ARPC5: variants seen among roughly 807,000 people sequenced by gnomAD.
ARPC5 encodes the protein actin related protein 2/3 complex subunit 5.
ARPC5 carries 5 observed loss-of-function variants against 15.4 expected under a neutral mutation model. The observed-to-expected ratio is 0.32, with a 90% CI of 0.17 to 0.68. The LOEUF (loss-of-function observed/expected upper bound fraction) is 0.68. Ranked by LOEUF, ARPC5 falls within the 30% of genes least tolerant of loss-of-function variation. The pLI is 0.71. For synonymous variants in ARPC5, 85 were observed against 72.2 expected, an observed-to-expected ratio of 1.18 and a Z score of -0.90; for missense variants, 138 against 192.8, an observed-to-expected ratio of 0.72 and a Z score of 1.68.
Position 183,630,645 on chromosome 1 carries a change from G to T in ARPC5, c.217-8C>A. On this transcript the variant is annotated splice_polypyrimidine_tract_variant and splice_region_variant and intron_variant, in intron 2 of 3. Transcript: ENST00000359856. Reference sequence around the variant, plus strand: ...AATGCTGCCTGCCCGGTCCTGGTGGGTCAATAAATAACAGAACATTTAGAC... The same window carrying T: ...AATGCTGCCTGCCCGGTCCTGGTGGTTCAATAAATAACAGAACATTTAGAC... The T allele has an allele frequency of 6.2e-7, 1 of 1,608,514 alleles. No individual in the cohort carries two copies. The highest frequency in any genetic ancestry group is 8.5e-7 in the Non-Finnish European group (1 of 1,177,724).
Position 183,623,480 on chromosome 1 carries a change from A to C in ARPC5, c.*4052T>G, listed in dbSNP as rs933647958. 1 of 1,550,294 alleles carries C rather than the reference A, an allele frequency of 6.5e-7. No individual in the cohort carries two copies. Among genetic ancestry groups the C allele is most frequent in the Non-Finnish European group, 8.7e-7 (1 of 1,146,836 alleles). Reference sequence around the variant, plus strand: ...AATCATACAAGAGGCACCTGCACAGAACGTTTTCACATTGGGGTTTTCACA... The same window carrying C: ...AATCATACAAGAGGCACCTGCACAGCACGTTTTCACATTGGGGTTTTCACA... On this transcript the variant is annotated 3_prime_UTR_variant, in exon 4 of 4. Transcript: ENST00000359856.
chr1:183,631,244 AAAC>A (rs1403850878), intron 2 of ARPC5: 1 of 151,968 alleles, frequency 6.6e-6, no homozygotes, highest in Non-Finnish European at 1.5e-5. Flanking sequence ...CAATTTATTA[AAAC>A]AACATTTAAA....
At chr1:183,635,441 C>G in intron 1 of ARPC5, 76 bp downstream of exon 1, 2 of 1,478,162 alleles carry the variant, frequency 1.4e-6, no homozygotes, top group Non-Finnish European at 1.8e-6. Context: ...CCCGCGGATC[C>G]TGCAGGCTCC....
chr1:183,633,014 C>G, intron 2 of ARPC5, 68 bp downstream of exon 2: 1 of 1,169,622 alleles, frequency 8.5e-7, no homozygotes, highest in Non-Finnish European at 1.2e-6. Context: ...TTTTTTTTTG[C>G]AACTGCAGAG....
intron 3 of ARPC5, 116 bp from the exon 4 acceptor site, chr1:183,627,710 A>ATTT: frequency 1.2e-6 from 1 of 800,984 alleles, no homozygotes; most frequent in Non-Finnish European, 2.2e-6. Flanking sequence ...TGAATTTATT[A>ATTT]GTTAACAAAT....
rs370518526 is a variant in ARPC5 at position 183,627,526 on chromosome 1, G to A, written c.*6C>T. ...TCCCGAGGCAGATAATCCACTTCCT[G>A]CCAGACTACACAGTTTTTCTTGCAG... On this transcript the variant is annotated 3_prime_UTR_variant, in exon 4 of 4. Transcript: ENST00000359856. The A allele has an allele frequency of 3.7e-6, 6 of 1,613,334 alleles. No individual in the cohort carries two copies. In the Admixed American group the frequency reaches 8.3e-5, roughly 22 times the overall value.
At chr1:183,630,088 T>G (rs1043438093) in intron 3 of ARPC5, among the ~76,000 whole-genome samples, 19 of 152,230 alleles carry the variant, frequency 1.2e-4, no homozygotes, top group Non-Finnish European at 2.2e-4. Context: ...TTGAATCATA[T>G]TCCATTGTAT....
intron 1 of ARPC5, 84 bp from the exon 2 acceptor site, chr1:183,633,238 A>C (rs1649319193): frequency 1.5e-5 from 14 of 925,086 alleles, no homozygotes; most frequent in Non-Finnish European, 2.3e-5. Flanking sequence ...TGATTTACAT[A>C]TAAAAAGAAA....
rs1649111679 is a variant in ARPC5 at position 183,626,794 on chromosome 1, T to C, written c.*738A>G. 1 of 152,360 alleles carries C rather than the reference T, an allele frequency of 6.6e-6. No homozygotes were observed. The highest frequency in any genetic ancestry group is 2.4e-5 in the African/African-American group (1 of 41,452). 9.4% of individuals were successfully genotyped at this position (152,360 alleles called of 1,614,324 possible). Reference sequence around the variant, plus strand: ...TTGCAGTTTTTTCCAAACAGAGCCATATTAGTGGAACAAAAGTTTGATGTT... The same window carrying C: ...TTGCAGTTTTTTCCAAACAGAGCCACATTAGTGGAACAAAAGTTTGATGTT... On this transcript the variant is annotated 3_prime_UTR_variant, in exon 4 of 4. Transcript: ENST00000359856.
In ARPC5 at chr1:183,630,647, C is replaced by G; in HGVS notation, c.217-10G>C. The G allele has an allele frequency of 6.2e-7, 1 of 1,606,282 alleles. No individual in the cohort carries two copies. The highest frequency in any genetic ancestry group is 1.3e-5 in the African/African-American group (1 of 74,572). ...TGCTGCCTGCCCGGTCCTGGTGGGTCAATAAATAACAGAACATTTAGACAT... is the reference window on the plus strand; with the variant it reads ...TGCTGCCTGCCCGGTCCTGGTGGGTGAATAAATAACAGAACATTTAGACAT... On this transcript the variant is annotated splice_polypyrimidine_tract_variant and intron_variant, in intron 2 of 3. Transcript: ENST00000359856.
rs1373466712 is a variant in ARPC5 at position 183,623,261 on chromosome 1, A to C, written c.*4271T>G. 5 of 684,170 alleles carry C rather than the reference A, an allele frequency of 7.3e-6. No individual in the cohort carries two copies. The East Asian group carries it at 1.4e-4, about 19-fold the overall frequency. 42.4% of individuals were successfully genotyped at this position (684,170 alleles called of 1,614,324 possible). Reference sequence around the variant, plus strand: ...TGTTTCAGAGAGAAATAAGAGATGTAAACATAGATTATTTATGTTGATTAC... The same window carrying C: ...TGTTTCAGAGAGAAATAAGAGATGTCAACATAGATTATTTATGTTGATTAC... On this transcript the variant is annotated 3_prime_UTR_variant, in exon 4 of 4. Coordinates refer to ENST00000359856, the MANE Select transcript of ARPC5 (RefSeq NM_005717.4).
intron 1 of ARPC5, among the ~76,000 whole-genome samples, chr1:183,634,450 TGA>T (rs1490619536): frequency 2.0e-5 from 3 of 152,214 alleles, no homozygotes; most frequent in Admixed American, 6.5e-5. Flanking sequence ...AGGACATTGT[TGA>T]GAGTCTTCCT....
At position 183,623,828 on chromosome 1, in the gene ARPC5, G is replaced by A. The variant is rs1649006247; in HGVS notation, c.*3704C>T. 3.8e-6 allele frequency: 1 copy of A among 265,060 alleles called. No individual in the cohort carries two copies. Among genetic ancestry groups the A allele is most frequent in the African/African-American group, 2.2e-5 (1 of 44,656 alleles). The allele number at this position is 265,060 out of a possible 1,614,324, so 16.4% of individuals were successfully genotyped here. A position where few individuals can be genotyped will look rare whatever the true frequency, so the allele number is the denominator to read the frequency against. On this transcript the variant is annotated 3_prime_UTR_variant, in exon 4 of 4. Transcript: ENST00000359856. ...ACCTGAGGTCAGGAGTTCAAGACCA[G>A]CCTGGGCAACATGGTGAAACCCCAT...
In ARPC5 at chr1:183,633,171, G is replaced by C. The variant is rs1402647373; in HGVS notation, c.144-17C>G. ...ATGTTTCCTGTGATGGAAGTTAAGG[G>C]TGTAACAGCAAAGGATGGCCCCCAG... is the stretch of plus-strand genomic sequence containing the variant. On this transcript the variant is annotated splice_polypyrimidine_tract_variant and intron_variant, in intron 1 of 3. Coordinates refer to ENST00000359856, the MANE Select transcript of ARPC5 (RefSeq NM_005717.4). 2 of 1,580,368 alleles carry C rather than the reference G, an allele frequency of 1.3e-6. No individual in the cohort carries two copies. The highest frequency in any genetic ancestry group is 1.7e-6 in the Non-Finnish European group (2 of 1,165,692).
rs1423109827 is a variant in ARPC5 at position 183,625,282 on chromosome 1, C to G, written c.*2250G>C. On this transcript the variant is annotated 3_prime_UTR_variant, in exon 4 of 4. Coordinates refer to ENST00000359856, the MANE Select transcript of ARPC5 (RefSeq NM_005717.4). The stretch of plus-strand genomic sequence containing the variant: ...TTTAGTCAGGAGGCAACAGTTGAAC[C>G]AGTTGTTTCCAGCTAGTATCCATTT... 2 of 152,130 alleles carry G rather than the reference C, an allele frequency of 1.3e-5. No individual in the cohort carries two copies. The highest frequency in any genetic ancestry group is 2.9e-5 in the Non-Finnish European group (2 of 68,024). 9.4% of individuals were successfully genotyped at this position (152,130 alleles called of 1,614,324 possible). A position where few individuals can be genotyped will look rare whatever the true frequency, so the allele number is the denominator to read the frequency against.
At position 183,625,459 on chromosome 1, in the gene ARPC5, G is replaced by A. The variant is rs1184541249; in HGVS notation, c.*2073C>T. 1.3e-5 allele frequency: 2 copies of A among 152,232 alleles called. No individual in the cohort carries two copies. The highest frequency in any genetic ancestry group is 2.9e-5 in the Non-Finnish European group (2 of 68,040). 9.4% of individuals were successfully genotyped at this position (152,232 alleles called of 1,614,324 possible). On this transcript the variant is annotated 3_prime_UTR_variant, in exon 4 of 4. Transcript: ENST00000359856. ...TTCCAAACGCTTCAGTTATGAAAGTGATGTTAAGAAGGATTTTATGAAAAA... is the reference window on the plus strand; with the variant it reads ...TTCCAAACGCTTCAGTTATGAAAGTAATGTTAAGAAGGATTTTATGAAAAA...
rs1273671388 is a variant in ARPC5 at position 183,625,251 on chromosome 1, C to T, written c.*2281G>A. The T allele has an allele frequency of 6.6e-6, 1 of 152,198 alleles. No individual in the cohort carries two copies. Among genetic ancestry groups the T allele is most frequent in the African/African-American group, 2.4e-5 (1 of 41,452 alleles). 9.4% of individuals were successfully genotyped at this position (152,198 alleles called of 1,614,324 possible). On this transcript the variant is annotated 3_prime_UTR_variant, in exon 4 of 4. Coordinates refer to ENST00000359856, the MANE Select transcript of ARPC5 (RefSeq NM_005717.4). ...TGTGTCATGGTTACTATACCCTGGG[C>T]TGACATTTAGTCAGGAGGCAACAGT... is the stretch of plus-strand genomic sequence containing the variant.
intron 3 of ARPC5, among the ~76,000 whole-genome samples, chr1:183,629,818 ACTAT>A (rs1412481871): frequency 2.0e-5 from 3 of 152,190 alleles, no homozygotes; most frequent in South Asian, 2.1e-4. Context: ...AGCCATCACC[ACTAT>A]CTGTTTCCAA....
intron 3 of ARPC5, among the ~76,000 whole-genome samples, chr1:183,628,100 G>C (rs1649160925): frequency 6.7e-6 from 1 of 148,784 alleles, no homozygotes; most frequent in African/African-American, 2.5e-5. Context: ...GTGAACCCAG[G>C]AGGCGGAGCT....
Sources: allele counts gnomAD v4.1 joint callset (sites outside exome capture counted in the v4.1 genomes callset), GRCh38; gene constraint gnomAD v4.1.1; transcripts MANE v1.5; gene names NCBI Gene and HGNC (gene_info 2026-07-23, HGNC 2026-07-21).